Variants in TPP2 observed in about 807,000 individuals in gnomAD.
The protein encoded by TPP2 is tripeptidyl-peptidase 2.
TPP2 carries 34 observed loss-of-function variants against 155.9 expected under a neutral mutation model. The observed-to-expected ratio is 0.22, with a 90% CI of 0.17 to 0.29. TPP2 has a LOEUF of 0.29. Among genes scored for constraint, TPP2 ranks in the 10% least tolerant of loss-of-function variants. The probability of loss-of-function intolerance (pLI) is 1.00; values close to 1 mark genes in which losing one functional copy is unlikely to be tolerated. For missense variants in TPP2, 1,028 were observed against 1,522.3 expected, an observed-to-expected ratio of 0.68 and a Z score of 5.40; for synonymous variants, 510 against 529.4, an observed-to-expected ratio of 0.96 and a Z score of 0.50.
intron 24 of TPP2, among the ~76,000 whole-genome samples, chr13:102,652,453 T>TATAA (rs1883582045): frequency 5.7e-5 from 5 of 87,446 alleles, no homozygotes; most frequent in Middle Eastern, 6.1e-3. Flanking sequence ...TATATATATA[T>TATAA]AAAAGGGACC....
intron 1 of TPP2, among the ~76,000 whole-genome samples, chr13:102,601,461 T>C (rs1369822118): frequency 3.3e-5 from 5 of 152,242 alleles, no homozygotes; most frequent in Admixed American, 2.6e-4. Flanking sequence ...TCTACCTTAC[T>C]GGTTACATTG....
At chr13:102,663,458 T>G (rs955822891) in intron 25 of TPP2, among the ~76,000 whole-genome samples, 190 bp from the exon 26 acceptor site, 11 of 152,248 alleles carry the variant, frequency 7.2e-5, no homozygotes, top group Non-Finnish European at 1.2e-4. Flanking sequence ...GTTTGATTTA[T>G]TTTTGTTTTC....
chr13:102,640,160 C>T, intron 15 of TPP2, 110 bp from the exon 16 acceptor site: 2 of 837,994 alleles, frequency 2.4e-6, no homozygotes, highest in South Asian at 2.2e-5. Context: ...GCTTCTAAGT[C>T]CCTGTGTTTA....
chr13:102,646,433 T>C, intron 20 of TPP2, 43 bp downstream of exon 20: 1 of 1,491,036 alleles, frequency 6.7e-7, no homozygotes, highest in Non-Finnish European at 9.2e-7. Context: ...GATGAACTTT[T>C]GTGTTTTATT....
At chr13:102,610,284 A>G (rs1348394331) in intron 2 of TPP2, among the ~76,000 whole-genome samples, 2 of 151,824 alleles carry the variant, frequency 1.3e-5, no homozygotes, top group Admixed American at 1.3e-4. Flanking sequence ...GCTGGAGTGC[A>G]GTGGTGTGAT....
chr13:102,610,623 A>G (rs775318037), intron 2 of TPP2, among the ~76,000 whole-genome samples: 1 of 152,220 alleles, frequency 6.6e-6, no homozygotes. Flanking sequence ...TCAGTTTAAG[A>G]TCAACTGTTA....
intron 21 of TPP2, 100 bp downstream of exon 21, chr13:102,647,444 AC>A: frequency 1.4e-6 from 2 of 1,429,088 alleles, no homozygotes; most frequent in Non-Finnish European, 9.3e-7. Flanking sequence ...TTTAAAAAAA[AC>A]AAAAATTATA....
At chr13:102,626,863 T>C (rs1019784728) in intron 6 of TPP2, 149 bp from the exon 7 acceptor site, 5 of 618,790 alleles carry the variant, frequency 8.1e-6, no homozygotes, top group African/African-American at 1.9e-5. Context: ...GCAAATACTT[T>C]CCTTTGTGAC....
chr13:102,597,535 C>T (rs1022932909), intron 1 of TPP2, among the ~76,000 whole-genome samples: 4 of 152,042 alleles, frequency 2.6e-5, no homozygotes, highest in Admixed American at 2.6e-4. Context: ...AGGGACTCCC[C>T]TTCCTTCTCG....
At chr13:102,601,450 C>G (rs1435714870) in intron 1 of TPP2, among the ~76,000 whole-genome samples, 1 of 152,182 alleles carries the variant, frequency 6.6e-6, no homozygotes, top group Non-Finnish European at 1.5e-5. Context: ...TCACTAACTC[C>G]TCTACCTTAC....
intron 2 of TPP2, among the ~76,000 whole-genome samples, chr13:102,612,539 ATACTC>A (rs1320161301): frequency 6.6e-6 from 1 of 152,244 alleles, no homozygotes; most frequent in Non-Finnish European, 1.5e-5. Flanking sequence ...TTTATGTAGA[ATACTC>A]AAATATGCAA....
At chr13:102,672,345 A>C (rs1885036396) in intron 27 of TPP2, among the ~76,000 whole-genome samples, 1 of 152,182 alleles carries the variant, frequency 6.6e-6, no homozygotes, top group Admixed American at 6.5e-5. Flanking sequence ...CCTGCTTGTG[A>C]ATGATCAGAG....
At chr13:102,664,024 C>T (rs1246913309) in intron 26 of TPP2, among the ~76,000 whole-genome samples, 2 of 152,290 alleles carry the variant, frequency 1.3e-5, no homozygotes, top group African/African-American at 4.8e-5. Context: ...GGGCAAGGGG[C>T]AGAACGTAGT....
At chr13:102,637,025 T>G (rs1882427107) in intron 13 of TPP2, 57 bp from the exon 14 acceptor site, 1 of 1,529,208 alleles carries the variant, frequency 6.5e-7, no homozygotes, top group Non-Finnish European at 8.7e-7. Context: ...GTAACATTTT[T>G]AAATGGAAAA....
At chr13:102,640,641 A>ATTTTTTTTTTTTTTTTTTTTTTTTTTT (rs5806315) in intron 16 of TPP2, among the ~76,000 whole-genome samples, 1 of 84,198 alleles carries the variant, frequency 1.2e-5, no homozygotes, top group African/African-American at 5.6e-5. Flanking sequence ...CCTGGTAATA[A>ATTTTTTTTTTTTTTTTTTTTTTTTTTT]TTTTTTTTTT....
At chr13:102,604,207 T>C (rs1879642827) in intron 1 of TPP2, among the ~76,000 whole-genome samples, 1 of 128,880 alleles carries the variant, frequency 7.8e-6, no homozygotes, top group Non-Finnish European at 1.5e-5. Flanking sequence ...CTACTAAACA[T>C]TTTTTCCCCC....
At chr13:102,638,149 A>T in intron 14 of TPP2, 90 bp from the exon 15 acceptor site, 1 of 1,229,446 alleles carries the variant, frequency 8.1e-7, no homozygotes, top group Non-Finnish European at 1.2e-6. Context: ...TTAAAAGTAG[A>T]TTGATTTATT....
chr13:102,627,973 G>A, intron 8 of TPP2, 49 bp downstream of exon 8: 1 of 1,457,234 alleles, frequency 6.9e-7, no homozygotes, highest in South Asian at 1.2e-5. Context: ...AGCCAGTGAA[G>A]AGTATGAGAT....
At chr13:102,641,952 C>G (rs925712570) in intron 16 of TPP2, among the ~76,000 whole-genome samples, 1 of 152,074 alleles carries the variant, frequency 6.6e-6, no homozygotes, top group African/African-American at 2.4e-5. Flanking sequence ...AGCATCTAGT[C>G]CAAGATATTG....
Sources: gnomAD v4.1 joint callset for allele counts (sites outside exome capture counted in the v4.1 genomes callset) on GRCh38, gnomAD v4.1.1 for gene constraint, MANE v1.5 for transcripts, NCBI Gene and HGNC (gene_info 2026-07-23, HGNC 2026-07-21) for gene names.